ASAP1: variants seen among roughly 807,000 people sequenced by gnomAD.
ASAP1 encodes the protein arf-GAP with SH3 domain, ANK repeat and PH domain-containing protein 1.
ASAP1 carries 43 observed loss-of-function variants against 145.2 expected under a neutral mutation model. The observed-to-expected ratio is 0.30, with a 90% CI of 0.23 to 0.38. The LOEUF (loss-of-function observed/expected upper bound fraction) is 0.38, where lower values mean the gene tolerates loss of function less well. Ranked by LOEUF, ASAP1 falls within the 10% of genes least tolerant of loss-of-function variation. ASAP1 has a pLI of 1.00. For synonymous variants in ASAP1, 546 were observed against 515.5 expected (o/e 1.06, Z -0.80); for missense variants, 1,018 against 1,355.3 (o/e 0.75, Z 3.91).
chr8:130,316,229 C>T (rs1823654573), intron 3 of ASAP1, among the ~76,000 whole-genome samples: 1 of 152,208 alleles, frequency 6.6e-6, no homozygotes, highest in Non-Finnish European at 1.5e-5. Flanking sequence ...TACTGAGCTC[C>T]AGGACACTAA....
chr8:130,095,282 T>C (rs1295173401), intron 24 of ASAP1, among the ~76,000 whole-genome samples: 2 of 151,130 alleles, frequency 1.3e-5, no homozygotes, highest in Non-Finnish European at 2.9e-5. Flanking sequence ...CTTCTATCTT[T>C]TTAGGCCAGT....
intron 2 of ASAP1, among the ~76,000 whole-genome samples, chr8:130,381,585 A>G (rs2138392765): frequency 6.6e-6 from 1 of 152,298 alleles, no homozygotes; most frequent in East Asian, 1.9e-4. Context: ...AAGGGACAGG[A>G]TGACGCCTGG....
intron 12 of ASAP1, among the ~76,000 whole-genome samples, chr8:130,153,683 A>G (rs374901878): frequency 1.3e-5 from 2 of 151,968 alleles, no homozygotes; most frequent in East Asian, 3.9e-4. Context: ...ACTGCTTTGG[A>G]CAGTAAAAAT....
chr8:130,198,846 C>T (rs944666868), intron 5 of ASAP1, among the ~76,000 whole-genome samples: 2 of 152,204 alleles, frequency 1.3e-5, no homozygotes, highest in Non-Finnish European at 2.9e-5. Flanking sequence ...CACTCTCCTG[C>T]TTAAAACCCA....
At chr8:130,149,674 A>G (rs552280252) in intron 13 of ASAP1, among the ~76,000 whole-genome samples, 6 of 152,212 alleles carry the variant, frequency 3.9e-5, no homozygotes, top group Non-Finnish European at 5.9e-5. Flanking sequence ...TGACAACAAA[A>G]GCTCTTCTCC....
intron 3 of ASAP1, among the ~76,000 whole-genome samples, chr8:130,338,475 C>A (rs1483357142): frequency 2.6e-5 from 4 of 152,320 alleles, no homozygotes; most frequent in Admixed American, 2.0e-4. Context: ...AAAGACAGGA[C>A]TCTCCTTCCA....
intron 13 of ASAP1, 107 bp downstream of exon 13, chr8:130,152,629 A>T: frequency 3.2e-6 from 2 of 630,330 alleles, no homozygotes; most frequent in Non-Finnish European, 5.3e-6. Flanking sequence ...ATCTAAAATG[A>T]TCTGACCCAA....
intron 2 of ASAP1, among the ~76,000 whole-genome samples, chr8:130,396,686 C>T (rs1486150587): frequency 6.6e-6 from 1 of 152,194 alleles, no homozygotes; most frequent in Non-Finnish European, 1.5e-5. Flanking sequence ...GACACGTTTC[C>T]CGTCCATGTG....
intron 27 of ASAP1, among the ~76,000 whole-genome samples, chr8:130,072,824 T>TGTGTGTGTGTGTGTGCGCGCGCGC: frequency 9.0e-4 from 29 of 32,304 alleles, no homozygotes; most frequent in African/African-American, 1.7e-3. Context: ...TGTGTGTGTG[T>TGTGTGTGTGTGTGTGCGCGCGCGC]GCGCGCGGGG....
chr8:130,091,385 T>G (rs964184632), intron 25 of ASAP1, among the ~76,000 whole-genome samples: 2 of 152,096 alleles, frequency 1.3e-5, no homozygotes, highest in African/African-American at 2.4e-5. Context: ...TCAAAAAGCA[T>G]GACAGAGTTC....
At chr8:130,092,270 G>C in intron 24 of ASAP1, 127 bp from the exon 25 acceptor site, 1 of 994,720 alleles carries the variant, frequency 1.0e-6, no homozygotes, top group Non-Finnish European at 1.4e-6. Context: ...CAAAAGGCTG[G>C]ATATGGCTAA....
intron 3 of ASAP1, among the ~76,000 whole-genome samples, chr8:130,351,809 G>A (rs972759799): frequency 6.6e-6 from 1 of 152,112 alleles, no homozygotes; most frequent in African/African-American, 2.4e-5. Context: ...CCGACACTGG[G>A]GACTATGTTT....
intron 18 of ASAP1, among the ~76,000 whole-genome samples, chr8:130,120,748 A>C (rs2097564504): frequency 6.6e-6 from 1 of 152,178 alleles, no homozygotes. Flanking sequence ...CTCTACCCTT[A>C]GGTCTCTAAT....
rs80150151 is a variant in ASAP1 at position 130,358,941 on chromosome 8, T to C, written c.60-798A>G. Among the ~76,000 whole-genome samples the C allele has an allele frequency of 0.027, 4,129 of 152,158 alleles. 65 individuals carry two copies. The highest frequency in any genetic ancestry group is 0.045 in the Middle Eastern group (13 of 292). ...CAAAAAAGTTGTACGTGTTCTTTTTTAGTCGCGTGTGGGTGCAGGAAGTGA... is the reference window on the plus strand; with the variant it reads ...CAAAAAAGTTGTACGTGTTCTTTTTCAGTCGCGTGTGGGTGCAGGAAGTGA... On this transcript the variant is annotated intron_variant, in intron 2 of 29. Transcript: ENST00000518721. The surrounding 1 kb of genome is among the most constrained non-coding windows in gnomAD (Gnocchi z 4.1).
intron 3 of ASAP1, among the ~76,000 whole-genome samples, chr8:130,345,966 T>G (rs1825680146): frequency 6.6e-6 from 1 of 152,202 alleles, no homozygotes; most frequent in South Asian, 2.1e-4. Context: ...AGAAATTTAG[T>G]AACTGTGGGT....
At chr8:130,248,188 C>A (rs990532108) in intron 3 of ASAP1, among the ~76,000 whole-genome samples, 14 of 151,942 alleles carry the variant, frequency 9.2e-5, no homozygotes, top group African/African-American at 3.4e-4. Flanking sequence ...GTCACTCAAG[C>A]ATTCAGTCTG....
chr8:130,436,517 C>G (rs754964883), intron 1 of ASAP1, among the ~76,000 whole-genome samples: 1 of 152,158 alleles, frequency 6.6e-6, no homozygotes, highest in Non-Finnish European at 1.5e-5. Context: ...ACCATGTTGC[C>G]GAAGCTGGTC....
chr8:130,401,352 T>C (rs1828787747), intron 2 of ASAP1, among the ~76,000 whole-genome samples: 1 of 152,024 alleles, frequency 6.6e-6, no homozygotes, highest in Non-Finnish European at 1.5e-5. Flanking sequence ...TTCAAGCAAT[T>C]CCACTGCCTC....
chr8:130,436,089 A>G (rs1184789773), intron 1 of ASAP1, among the ~76,000 whole-genome samples: 1 of 152,256 alleles, frequency 6.6e-6, no homozygotes, highest in South Asian at 2.1e-4. Flanking sequence ...GCAATGTGAA[A>G]GAGAACATTA....
Sources: allele counts gnomAD v4.1 joint callset (sites outside exome capture counted in the v4.1 genomes callset), GRCh38; gene constraint gnomAD v4.1.1; non-coding constraint Gnocchi (gnomAD v3.1); transcripts MANE v1.5; gene names NCBI Gene and HGNC (gene_info 2026-07-23, HGNC 2026-07-21).